The following GPHN variants were observed in gnomAD, a reference collection of about 807,000 sequenced individuals.
GPHN encodes the protein gephyrin.
In GPHN, 17 loss-of-function variants were observed where a neutral mutation model predicts 95.5. The observed-to-expected ratio is 0.18, with a 90% CI of 0.12 to 0.27. GPHN has a LOEUF of 0.27. Ranked by LOEUF, GPHN falls within the 10% of genes least tolerant of loss-of-function variation. The pLI, the probability that GPHN is intolerant of heterozygous loss-of-function variation, is 1.00. For missense variants in GPHN, 660 were observed against 978.1 expected (o/e 0.67, Z 4.34); for synonymous variants, 320 against 322.5 (o/e 0.99, Z 0.08).
chr14:67,188,633 C>T, the GPHN span, among the ~76,000 whole-genome samples: 13 of 152,212 alleles, frequency 8.5e-5, no homozygotes, highest in South Asian at 2.1e-3. Context: ...ATAGAATAGG[C>T]GAAACAGAGC....
At chr14:67,292,748 C>T in the GPHN span, 2 of 1,552,796 alleles carry the variant, frequency 1.3e-6, no homozygotes, top group Non-Finnish European at 1.8e-6. Flanking sequence ...TTGTTGATGT[C>T]TACAAGGTAA....
intron 1 of GPHN, among the ~76,000 whole-genome samples, chr14:66,607,655 T>C (rs901761142): frequency 6.6e-6 from 1 of 151,926 alleles, no homozygotes; most frequent in African/African-American, 2.4e-5. Context: ...TTGGTAGGTT[T>C]TTAATTACTG....
intron 2 of GPHN, among the ~76,000 whole-genome samples, chr14:66,733,758 A>G (rs1027199263): frequency 3.3e-5 from 5 of 152,200 alleles, no homozygotes; most frequent in Non-Finnish European, 7.3e-5. Context: ...AGGCTGAAAT[A>G]ACTATACCAG....
the GPHN span, chr14:67,473,428 T>C: frequency 6.2e-7 from 1 of 1,613,944 alleles, no homozygotes; most frequent in Non-Finnish European, 8.5e-7. The surrounding 1 kb of genome is among the most constrained non-coding windows in gnomAD (Gnocchi z 6.5). Context: ...GCTCAGTCAG[T>C]CTTGACATGG....
the GPHN span, chr14:67,223,748 C>G: frequency 1.0e-6 from 1 of 984,644 alleles, no homozygotes; most frequent in Non-Finnish European, 1.2e-6. Flanking sequence ...TTTTTTCTTA[C>G]TTAGGCTTGT....
the GPHN span, chr14:67,651,016 C>A: frequency 7.9e-7 from 1 of 1,262,292 alleles, no homozygotes; most frequent in Non-Finnish European, 1.1e-6. Flanking sequence ...TGGGTCAATA[C>A]TGCCTTAATG....
At chr14:66,855,867 A>G (rs1176910956) in intron 4 of GPHN, among the ~76,000 whole-genome samples, 1 of 152,152 alleles carries the variant, frequency 6.6e-6, no homozygotes, top group Non-Finnish European at 1.5e-5. Flanking sequence ...TTCTATTTAA[A>G]GATATTACTG....
chr14:67,050,506 C>T (rs926871218), intron 10 of GPHN, among the ~76,000 whole-genome samples: 1 of 152,126 alleles, frequency 6.6e-6, no homozygotes, highest in Non-Finnish European at 1.5e-5. Context: ...AGTTTACCAT[C>T]TACTAGCAGA....
At chr14:66,956,176 G>A (rs1009672616) in intron 8 of GPHN, among the ~76,000 whole-genome samples, 2 of 152,074 alleles carry the variant, frequency 1.3e-5, no homozygotes, top group African/African-American at 4.8e-5. Flanking sequence ...GAAGATTAGT[G>A]TATTGATATG....
the GPHN span, chr14:67,589,486 AAT>A: frequency 1.0e-6 from 1 of 985,114 alleles, no homozygotes; most frequent in Non-Finnish European, 1.2e-6. Flanking sequence ...CCATGACTGA[AAT>A]ACTATGATCT....
At chr14:66,742,793 G>T (rs145120070) in intron 2 of GPHN, among the ~76,000 whole-genome samples, 2 of 151,968 alleles carry the variant, frequency 1.3e-5, no homozygotes, top group Non-Finnish European at 2.9e-5. Context: ...ACGGAGTCTC[G>T]CTCTGTCACC....
rs756232122 is a variant in GPHN, at chr14:66,553,053, C to G, written c.64+44462C>G. On this transcript the variant is annotated intron_variant, in intron 1 of 22. Transcript: ENST00000478722. Reference sequence around the variant, plus strand: ...TTTCCCAGGCTGGAGTGCAGTGGCACGATCTTGGCTCACTGTAACCTCCGC... The same window carrying G: ...TTTCCCAGGCTGGAGTGCAGTGGCAGGATCTTGGCTCACTGTAACCTCCGC... 2.7e-4 allele frequency among the ~76,000 whole-genome samples: 41 copies of G among 150,414 alleles called. 2 individuals are homozygous for G. The highest frequency in any genetic ancestry group is 9.4e-4 in the African/African-American group (38 of 40,290).
intron 9 of GPHN, among the ~76,000 whole-genome samples, chr14:67,008,247 T>A (rs1254448513): frequency 6.7e-6 from 1 of 150,348 alleles, no homozygotes; most frequent in South Asian, 2.1e-4. Flanking sequence ...AGGTCAGGAG[T>A]TCAAGACCAG....
the GPHN span, among the ~76,000 whole-genome samples, chr14:67,428,470 A>G: frequency 6.6e-6 from 1 of 152,232 alleles, no homozygotes; most frequent in Admixed American, 6.5e-5. Context: ...ACAGTAGGGG[A>G]GAACTCTTAC....
At chr14:66,878,028 T>C (rs866486822) in intron 4 of GPHN, among the ~76,000 whole-genome samples, 16 of 152,076 alleles carry the variant, frequency 1.1e-4, no homozygotes, top group Non-Finnish European at 1.8e-4. Flanking sequence ...AAAACAGATA[T>C]ATAGACCAAT....
chr14:67,534,691 T>C, the GPHN span, among the ~76,000 whole-genome samples: 679 of 152,180 alleles, frequency 4.5e-3, 18 homozygotes, highest in East Asian at 0.063. Flanking sequence ...CCCAAACTCA[T>C]TGAAACTAAC....
At chr14:66,866,939 G>A (rs893737430) in intron 4 of GPHN, among the ~76,000 whole-genome samples, 1 of 152,070 alleles carries the variant, frequency 6.6e-6, no homozygotes, top group Non-Finnish European at 1.5e-5. Flanking sequence ...TGAATGGAAT[G>A]GAAAACAAAA....
intron 1 of GPHN, among the ~76,000 whole-genome samples, chr14:66,621,501 T>C (rs2063301762): frequency 6.6e-6 from 1 of 151,460 alleles, no homozygotes; most frequent in Non-Finnish European, 1.5e-5. Flanking sequence ...CTCAGCTCAC[T>C]GCCAGCTCCA....
At chr14:67,555,694 G>A in the GPHN span, 2 of 1,329,682 alleles carry the variant, frequency 1.5e-6, no homozygotes, top group African/African-American at 2.9e-5. Flanking sequence ...TGACACTCTC[G>A]AGCCACTTGA....
Sources: gnomAD v4.1 joint callset for allele counts (sites outside exome capture counted in the v4.1 genomes callset) on GRCh38, gnomAD v4.1.1 for gene constraint, Gnocchi (gnomAD v3.1) non-coding constraint, MANE v1.5 for transcripts, NCBI Gene and HGNC (gene_info 2026-07-23, HGNC 2026-07-21) for gene names.